Variants in TOMM20L observed in about 807,000 individuals in gnomAD.
TOMM20L encodes the protein translocase of outer mitochondrial membrane 20 like, also known as TOMM20-like protein 1.
TOMM20L carries 19 observed loss-of-function variants against 20.4 expected under a neutral mutation model. The observed-to-expected ratio is 0.93, with a 90% CI of 0.65 to 1.36. TOMM20L has a LOEUF of 1.36. Among genes scored for constraint, TOMM20L ranks in the 40% most tolerant of loss-of-function variants. The pLI is 0.00. For missense variants in TOMM20L, 218 were observed against 203.7 expected (o/e 1.07, Z -0.43); for synonymous variants, 75 against 79.6 (o/e 0.94, Z 0.30).
chr14:58,410,881 CA>C, downstream of TOMM20L: 1 of 1,613,086 alleles, frequency 6.2e-7, no homozygotes, highest in Non-Finnish European at 8.5e-7. Flanking sequence ...AAGTCTTTAA[CA>C]CAGTCCAAAA....
intron 3 of TOMM20L, among the ~76,000 whole-genome samples, chr14:58,405,218 T>C (rs1316554638): frequency 3.3e-5 from 5 of 152,192 alleles, no homozygotes; most frequent in Non-Finnish European, 1.5e-5. Context: ...TCCACCCGCC[T>C]TGGCCTCCCA....
downstream of TOMM20L, chr14:58,411,787 TG>T: frequency 2.3e-6 from 2 of 853,336 alleles, no homozygotes; most frequent in Non-Finnish European, 3.9e-6. Flanking sequence ...TCCACCCACC[TG>T]GGCCTCCCAA....
chr14:58,412,462 T>C (rs2036252556), downstream of TOMM20L, among the ~76,000 whole-genome samples: 1 of 152,186 alleles, frequency 6.6e-6, no homozygotes, highest in Admixed American at 6.5e-5. Context: ...TTTCTAATGC[T>C]AGTTTGGGAC....
rs2140308152 is a variant in TOMM20L, at chr14:58,408,543, C to T, written c.420C>T (p.Asp140=). The T allele has an allele frequency of 5.6e-6, 9 of 1,613,816 alleles. No homozygotes were observed. The East Asian group carries it at 2.0e-4, about 36-fold the overall frequency. ...IPLICQQFEA[D]MNEQDCLEDD... ...GTATTCACCAGCAATTTGAGGCAGACATGAATGAACAGGACTGCTTGGAGG... is the reference window on the plus strand; with the variant it reads ...GTATTCACCAGCAATTTGAGGCAGATATGAATGAACAGGACTGCTTGGAGG... Residue 140 remains aspartate, a synonymous_variant, in exon 5 of 5, where the codon GAC becomes GAT. Coordinates refer to ENST00000360945, the MANE Select transcript of TOMM20L (RefSeq NM_207377.3).
intron 2 of TOMM20L, among the ~76,000 whole-genome samples, chr14:58,398,069 ATAGT>A (rs559693055): frequency 6.6e-6 from 1 of 152,326 alleles, no homozygotes; most frequent in African/African-American, 2.4e-5. Context: ...CCCATTTGAC[ATAGT>A]TAGCTGGGTA....
the TOMM20L span, among the ~76,000 whole-genome samples, chr14:58,415,184 C>T: frequency 2.6e-5 from 4 of 152,280 alleles, no homozygotes; most frequent in East Asian, 5.8e-4. Context: ...TCTACTTCCA[C>T]CTGGCAGTAA....
At chr14:58,405,609 A>G (rs1315263752) in intron 3 of TOMM20L, among the ~76,000 whole-genome samples, 1 of 152,132 alleles carries the variant, frequency 6.6e-6, no homozygotes, top group East Asian at 1.9e-4. Context: ...GGTTCAAGCA[A>G]TTCTCGTGTC....
chr14:58,412,053 C>T (rs2036237825), downstream of TOMM20L: 13 of 993,194 alleles, frequency 1.3e-5, no homozygotes, highest in Middle Eastern at 2.3e-4. Flanking sequence ...AATCACTGCT[C>T]GTATTTTATA....
Position 58,400,239 on chromosome 14 carries a change from C to A in TOMM20L, c.181-2441C>A, listed in dbSNP as rs1255420286. Reference sequence around the variant, plus strand: ...TGGCCAACATGGTGAAACCCCATCTCTACTAAAAATGCAAAATTAGCCAGG... The same window carrying A: ...TGGCCAACATGGTGAAACCCCATCTATACTAAAAATGCAAAATTAGCCAGG... On this transcript the variant is annotated intron_variant, in intron 2 of 4. Coordinates refer to ENST00000360945, the MANE Select transcript of TOMM20L (RefSeq NM_207377.3). Among the ~76,000 whole-genome samples the A allele has an allele frequency of 2.0e-5, 3 of 151,644 alleles. No homozygotes were observed. In the East Asian group the frequency reaches 5.9e-4, roughly 30 times the overall value.
At chr14:58,416,528 A>G in the TOMM20L span, among the ~76,000 whole-genome samples, 8 of 152,226 alleles carry the variant, frequency 5.3e-5, no homozygotes, top group Non-Finnish European at 8.8e-5. Context: ...ATAGCTACCT[A>G]AAATAATCGC....
In TOMM20L at chr14:58,408,623, G is replaced by C. The variant is rs2036109190; in HGVS notation, c.*41G>C. 1 of 1,575,794 alleles carries C rather than the reference G, an allele frequency of 6.3e-7. No individual in the cohort carries two copies. The highest frequency in any genetic ancestry group is 1.8e-5 in the Admixed American group (1 of 55,508). On this transcript the variant is annotated 3_prime_UTR_variant, in exon 5 of 5. Coordinates refer to ENST00000360945, the MANE Select transcript of TOMM20L (RefSeq NM_207377.3). Reference sequence around the variant, plus strand: ...ATCCACAGTCCAGTGAGAATACTATGGTACCATACAGTATAAACAACTGCT... The same window carrying C: ...ATCCACAGTCCAGTGAGAATACTATCGTACCATACAGTATAAACAACTGCT...
the TOMM20L span, among the ~76,000 whole-genome samples, chr14:58,413,724 T>C: frequency 6.6e-6 from 1 of 152,126 alleles, no homozygotes; most frequent in Non-Finnish European, 1.5e-5. Context: ...TGTATTTGTA[T>C]AGGCTGGGCG....
Position 58,396,004 on chromosome 14 carries a change from C to T in TOMM20L, c.47C>T (p.Ala16Val). ...SLLRLLAAAA[A>V]CGAFAFLGYC... is the part of the protein sequence containing the mutation. ...CTCCGCCTCTTGGCCGCCGCGGCGG[C>T]CTGTGGCGCCTTCGCCTTCCTGGGC... is the stretch of plus-strand genomic sequence containing the variant. The change falls in exon 1 of 5, where the codon GCC becomes GTC. Residue 16 changes from alanine (A) to valine (V), a missense_variant. Transcript: ENST00000360945. 1 of 1,453,110 alleles carries T rather than the reference C, an allele frequency of 6.9e-7. No homozygotes were observed. Among genetic ancestry groups the T allele is most frequent in the Non-Finnish European group, 9.1e-7 (1 of 1,097,068 alleles). The allele number at this position is 1,453,110 out of a possible 1,614,324, so 90.0% of individuals were successfully genotyped here.
intron 3 of TOMM20L, among the ~76,000 whole-genome samples, chr14:58,404,119 A>ATATATATATT (rs1555369115): frequency 1.2e-4 from 1 of 8,352 alleles, no homozygotes; most frequent in African/African-American, 3.3e-4. Context: ...ATATATATAT[A>ATATATATATT]TTTTTTTTTT....
intron 2 of TOMM20L, among the ~76,000 whole-genome samples, chr14:58,397,961 A>T (rs963095597): frequency 3.3e-5 from 5 of 152,174 alleles, no homozygotes; most frequent in Non-Finnish European, 7.3e-5. Flanking sequence ...GGTAACTGGG[A>T]AGAATACAGT....
At chr14:58,399,778 C>T (rs1179581435) in intron 2 of TOMM20L, among the ~76,000 whole-genome samples, 1 of 150,984 alleles carries the variant, frequency 6.6e-6, no homozygotes, top group African/African-American at 2.4e-5. Context: ...CCTTATGATG[C>T]TCCTGGTATC....
At chr14:58,416,550 A>C in the TOMM20L span, among the ~76,000 whole-genome samples, 2 of 152,344 alleles carry the variant, frequency 1.3e-5, no homozygotes, top group East Asian at 3.9e-4. Flanking sequence ...CAAGTTTCTA[A>C]ACGAAGAAAA....
At chr14:58,412,254 G>A, downstream of TOMM20L, 1 of 300,862 alleles carries the variant, frequency 3.3e-6, no homozygotes, top group Non-Finnish European at 6.4e-6. Context: ...CAATTCTCCT[G>A]CCTCAGCCTC....
At chr14:58,414,668 C>T in the TOMM20L span, among the ~76,000 whole-genome samples, 7 of 139,384 alleles carry the variant, frequency 5.0e-5, no homozygotes, top group African/African-American at 1.9e-4. Flanking sequence ...ACCCCTTGGG[C>T]GGAGGTTGCA....
Sources: gnomAD v4.1 joint callset for allele counts (sites outside exome capture counted in the v4.1 genomes callset) on GRCh38, gnomAD v4.1.1 for gene constraint, MANE v1.5 for transcripts, NCBI Gene and HGNC (gene_info 2026-07-23, HGNC 2026-07-21) for gene names.